SYT1: variants seen among roughly 807,000 people sequenced by gnomAD.
SYT1 encodes synaptotagmin 1.
SYT1 carries 8 observed loss-of-function variants against 44.8 expected under a neutral mutation model. That is an observed-to-expected ratio of 0.18 (90% CI 0.10 to 0.32). The LOEUF is 0.32. Ranked by LOEUF, SYT1 falls within the 10% of genes least tolerant of loss-of-function variation. SYT1 has a pLI of 1.00. For synonymous variants in SYT1, 154 were observed against 188.8 expected, an observed-to-expected ratio of 0.82 and a Z score of 1.51; for missense variants, 286 against 509.3, an observed-to-expected ratio of 0.56 and a Z score of 4.22.
chr12:78,916,136 AG>A (rs1255271447), intron 1 of SYT1, among the ~76,000 whole-genome samples: 1 of 152,052 alleles, frequency 6.6e-6, no homozygotes, highest in Non-Finnish European at 1.5e-5. Flanking sequence ...TTCAGTTATC[AG>A]TTTTGTAGCT....
chr12:79,070,837 G>C (rs1876222468), intron 3 of SYT1, among the ~76,000 whole-genome samples: 1 of 151,968 alleles, frequency 6.6e-6, no homozygotes, highest in African/African-American at 2.4e-5. Flanking sequence ...GTATACTTTT[G>C]TAACAAACCT....
At chr12:79,179,465 A>ATATC (rs1872324108) in intron 3 of SYT1, among the ~76,000 whole-genome samples, 2 of 49,358 alleles carry the variant, frequency 4.1e-5, no homozygotes, top group African/African-American at 1.4e-4. Context: ...TAATCTATAT[A>ATATC]GATATAGATA....
intron 9 of SYT1, among the ~76,000 whole-genome samples, chr12:79,384,450 T>C (rs1465051): frequency 1.3e-5 from 2 of 151,914 alleles, no homozygotes; most frequent in African/African-American, 4.8e-5. Flanking sequence ...ACATTACTTA[T>C]GAGGGCACGT....
intron 3 of SYT1, among the ~76,000 whole-genome samples, chr12:79,100,508 G>A (rs1197050765): frequency 1.3e-5 from 2 of 151,904 alleles, no homozygotes; most frequent in Non-Finnish European, 2.9e-5. Context: ...AGGAGAGAAA[G>A]GATCTTACAA....
At chr12:79,010,049 G>GT in intron 2 of SYT1, among the ~76,000 whole-genome samples, 1 of 152,174 alleles carries the variant, frequency 6.6e-6, no homozygotes. Flanking sequence ...TGTACTGGAG[G>GT]TTTTATGGGT....
intron 3 of SYT1, among the ~76,000 whole-genome samples, chr12:79,181,058 A>G (rs886845431): frequency 1.3e-5 from 2 of 152,072 alleles, no homozygotes; most frequent in African/African-American, 4.8e-5. Flanking sequence ...CCTCTCTGCC[A>G]TGATTGTAAG....
chr12:78,918,601 G>T (rs1352167413), intron 1 of SYT1, among the ~76,000 whole-genome samples: 1 of 152,010 alleles, frequency 6.6e-6, no homozygotes, highest in Non-Finnish European at 1.5e-5. Context: ...CAGCGCAAAT[G>T]CTCCACATGG....
intron 8 of SYT1, among the ~76,000 whole-genome samples, chr12:79,333,207 G>A (rs1881935416): frequency 6.6e-6 from 1 of 152,186 alleles, no homozygotes; most frequent in African/African-American, 2.4e-5. Flanking sequence ...AAGCTGAGAA[G>A]TCTGAGATGA....
chr12:79,217,905 A>G (rs1874914025), intron 4 of SYT1, among the ~76,000 whole-genome samples: 1 of 152,142 alleles, frequency 6.6e-6, no homozygotes. Flanking sequence ...TTTACAAAAA[A>G]AAAAAAGTCT....
chr12:79,287,615 T>G (rs1879375031), intron 5 of SYT1, among the ~76,000 whole-genome samples: 1 of 152,178 alleles, frequency 6.6e-6, no homozygotes, highest in South Asian at 2.1e-4. Context: ...TTTCCCTGTG[T>G]TCTAGAACTA....
At chr12:79,283,556 G>A (rs544967753) in intron 4 of SYT1, among the ~76,000 whole-genome samples, 105 of 152,224 alleles carry the variant, frequency 6.9e-4, no homozygotes, top group Non-Finnish European at 1.1e-3. Context: ...CCAACTGGGA[G>A]AATAATTTAT....
chr12:78,958,796 C>A (rs147638704), intron 1 of SYT1, among the ~76,000 whole-genome samples: 1 of 152,048 alleles, frequency 6.6e-6, no homozygotes, highest in African/African-American at 2.4e-5. Context: ...TGCTTAACCT[C>A]ATTTTGGATC....
intron 1 of SYT1, among the ~76,000 whole-genome samples, chr12:78,965,387 G>A (rs961996965): frequency 6.6e-6 from 1 of 152,090 alleles, no homozygotes; most frequent in Non-Finnish European, 1.5e-5. Flanking sequence ...TGCTCTCCTG[G>A]AGCATATAGT....
At chr12:79,319,203 GCTCT>G (rs745409569) in intron 8 of SYT1, among the ~76,000 whole-genome samples, 41 of 152,240 alleles carry the variant, frequency 2.7e-4, no homozygotes, top group Admixed American at 1.2e-3. Flanking sequence ...GGTAAACAGT[GCTCT>G]CTATTTCCTG....
intron 3 of SYT1, among the ~76,000 whole-genome samples, chr12:79,058,932 A>G (rs1434652105): frequency 6.6e-6 from 1 of 152,010 alleles, no homozygotes; most frequent in African/African-American, 2.4e-5. Context: ...GTGATAGAAG[A>G]TTTGTTAATG....
At chr12:78,880,142 A>G (rs1458896797) in intron 1 of SYT1, among the ~76,000 whole-genome samples, 1 of 151,620 alleles carries the variant, frequency 6.6e-6, no homozygotes, top group African/African-American at 2.4e-5. Flanking sequence ...TTCTTCCCCA[A>G]CCAGATTTGG....
At chr12:79,279,530 A>T (rs1175552545) in intron 4 of SYT1, among the ~76,000 whole-genome samples, 1 of 152,096 alleles carries the variant, frequency 6.6e-6, no homozygotes, top group Admixed American at 6.6e-5. Flanking sequence ...AGATACATCA[A>T]ACCCATAGCC....
At chr12:79,419,058 C>T (rs1231905232) in intron 9 of SYT1, among the ~76,000 whole-genome samples, 1 of 152,134 alleles carries the variant, frequency 6.6e-6, no homozygotes, top group African/African-American at 2.4e-5. Flanking sequence ...CAGAAGTGAA[C>T]ATCTAACTTC....
chr12:79,112,322 C>T (rs997185238), intron 3 of SYT1, among the ~76,000 whole-genome samples: 4 of 151,968 alleles, frequency 2.6e-5, no homozygotes, highest in East Asian at 1.9e-4. Flanking sequence ...GTAAAAGCTA[C>T]GATGTGGAGA....
Sources: allele counts gnomAD v4.1 joint callset (sites outside exome capture counted in the v4.1 genomes callset), GRCh38; gene constraint gnomAD v4.1.1; transcripts MANE v1.5; gene names NCBI Gene and HGNC (gene_info 2026-07-23, HGNC 2026-07-21).